ZNF566: variants seen among roughly 807,000 people sequenced by gnomAD.
The protein encoded by ZNF566 is zinc finger protein 566.
A neutral mutation model predicts 32.8 loss-of-function variants in ZNF566; 27 were observed. That is an observed-to-expected ratio of 0.82 (90% CI 0.61 to 1.14). ZNF566 has a LOEUF of 1.14. Among genes scored for constraint, ZNF566 ranks in the 50% most tolerant of loss-of-function variants. ZNF566 has a pLI of 0.00. For missense variants in ZNF566, 402 were observed against 490.4 expected, an observed-to-expected ratio of 0.82 and a Z score of 1.70; for synonymous variants, 154 against 159.5, an observed-to-expected ratio of 0.97 and a Z score of 0.26.
chr19:36,478,576 G>A (rs896071572), intron 1 of ZNF566, among the ~76,000 whole-genome samples: 1 of 150,908 alleles, frequency 6.6e-6, no homozygotes, highest in Admixed American at 6.6e-5. Context: ...CTTACATCAG[G>A]GGATCTGCTC....
chr19:36,472,621 G>C (rs923621387), intron 4 of ZNF566, among the ~76,000 whole-genome samples: 1 of 152,192 alleles, frequency 6.6e-6, no homozygotes, highest in African/African-American at 2.4e-5. Flanking sequence ...AAAGGAGGAT[G>C]AGAAGCTAGG....
At chr19:36,476,428 C>A in intron 2 of ZNF566, 121 bp downstream of exon 2, 1 of 863,914 alleles carries the variant, frequency 1.2e-6, no homozygotes, top group South Asian at 2.0e-5. Context: ...TGCTCATAAC[C>A]AAACTTTTTG....
intron 1 of ZNF566, among the ~76,000 whole-genome samples, chr19:36,477,818 G>A (rs1600172926): frequency 6.6e-6 from 1 of 151,940 alleles, no homozygotes. Flanking sequence ...CCAGCCTTGT[G>A]TGTATTCTTT....
At chr19:36,467,379 G>A (rs1288441097) in intron 4 of ZNF566, among the ~76,000 whole-genome samples, 1 of 147,898 alleles carries the variant, frequency 6.8e-6, no homozygotes. Flanking sequence ...AGGTTGAAGT[G>A]AGCGAAGATC....
At chr19:36,463,315 C>T (rs2033525449) in intron 4 of ZNF566, among the ~76,000 whole-genome samples, 1 of 152,006 alleles carries the variant, frequency 6.6e-6, no homozygotes, top group African/African-American at 2.4e-5. Flanking sequence ...ATAAACAACT[C>T]AACTGCATTT....
rs931783799 is a variant in ZNF566 at position 36,449,206 on chromosome 19, T to C, written c.1028A>G (p.Glu343Gly). 1 of 1,614,112 alleles carries C rather than the reference T, an allele frequency of 6.2e-7. No individual in the cohort carries two copies. The highest frequency in any genetic ancestry group is 1.3e-5 in the African/African-American group (1 of 75,042). ...GCCAGAACGAAAAGCCTTTTCACAT[T>C]CCTTACATTCGTAAGGTTTCTCACC... ...HTGEKPYECK[E>G]CEKAFRSGSD... Residue 343 changes from glutamate to glycine, a missense_variant, in exon 5 of 5, where the codon GAA becomes GGA. Physicochemically the swap from Glu to Gly is moderately conservative, Grantham distance 98. Transcript: ENST00000452939.
chr19:36,449,668 T>C lies in ZNF566; in HGVS notation c.566A>G (p.His189Arg). The change falls in exon 5 of 5, where the codon CAT (histidine) becomes CGT (arginine). Residue 189 changes from histidine (H) to arginine (R), a missense_variant. This residue lies in a region of ZNF566 where 220 missense variants were observed against 241.9 expected (regional missense o/e 0.91). Transcript: ENST00000452939. Reference protein sequence around the residue: ...TFRHGSQFATHEIIHTIEKPY... With the variant: ...TFRHGSQFATREIIHTIEKPY... ...CTTCTCAATGGTATGAATTATCTCA[T>C]GTGTAGCAAACTGTGAGCCATGTCT... is the stretch of plus-strand genomic sequence containing the variant. 2 of 1,614,116 alleles carry C rather than the reference T, an allele frequency of 1.2e-6. No homozygotes were observed. The highest frequency in any genetic ancestry group is 1.7e-6 in the Non-Finnish European group (2 of 1,180,006).
chr19:36,452,061 T>C (rs1018218332), intron 4 of ZNF566, among the ~76,000 whole-genome samples: 1 of 151,246 alleles, frequency 6.6e-6, no homozygotes, highest in African/African-American at 2.4e-5. Context: ...ATGGGGACAT[T>C]AGGCCCGACC....
chr19:36,473,154 A>G, intron 3 of ZNF566, 148 bp from the exon 4 acceptor site: 1 of 1,049,970 alleles, frequency 9.5e-7, no homozygotes, highest in South Asian at 1.6e-5. Flanking sequence ...GGAAGATGTA[A>G]AACATCCCCA....
At chr19:36,463,211 G>A (rs1324432161) in intron 4 of ZNF566, among the ~76,000 whole-genome samples, 1 of 151,978 alleles carries the variant, frequency 6.6e-6, no homozygotes, top group Non-Finnish European at 1.5e-5. Flanking sequence ...GCTGAGGTAG[G>A]AGGATTGCTT....
intron 4 of ZNF566, among the ~76,000 whole-genome samples, chr19:36,466,345 T>C (rs1302998556): frequency 9.5e-6 from 1 of 104,776 alleles, no homozygotes; most frequent in Non-Finnish European, 2.1e-5. Context: ...TTCAGGACCA[T>C]GGCAGACACA....
chr19:36,450,826 G>A (rs2033138463), intron 4 of ZNF566, among the ~76,000 whole-genome samples: 1 of 152,112 alleles, frequency 6.6e-6, no homozygotes, highest in Admixed American at 6.6e-5. Flanking sequence ...TATTGTCTAT[G>A]GATGCTTTTG....
chr19:36,489,451 C>T, intron 1 of ZNF566, 35 bp downstream of exon 1: 1 of 305,290 alleles, frequency 3.3e-6, no homozygotes, highest in South Asian at 2.8e-5. Flanking sequence ...GCCCCCGGCC[C>T]CGCCCTCTCC....
At chr19:36,451,766 G>A (rs1446883652) in intron 4 of ZNF566, among the ~76,000 whole-genome samples, 1 of 152,170 alleles carries the variant, frequency 6.6e-6, no homozygotes, top group Non-Finnish European at 1.5e-5. Flanking sequence ...CCAGCACTCT[G>A]CGGGGCCGAG....
At position 36,473,239 on chromosome 19, in the gene ZNF566, G is replaced by A. The variant is rs117525688; in HGVS notation, c.136+93C>T. On this transcript the variant is annotated intron_variant, in intron 3 of 4. Coordinates refer to ENST00000452939, the MANE Select transcript of ZNF566 (RefSeq NM_001145344.1). Reference sequence around the variant, plus strand: ...CCTGTGGAACAGGATATCAAAATTCGACTGGTTTTTGAAAGCCAGGTGAGC... The same window carrying A: ...CCTGTGGAACAGGATATCAAAATTCAACTGGTTTTTGAAAGCCAGGTGAGC... 1,142 of 1,461,546 alleles carry A rather than the reference G, an allele frequency of 7.8e-4. 25 individuals are homozygous for A. The East Asian group carries it at 0.021, about 27-fold the overall frequency. 90.5% of individuals were successfully genotyped at this position (1,461,546 alleles called of 1,614,324 possible). A position where few individuals can be genotyped will look rare whatever the true frequency, so the allele number is the denominator to read the frequency against.
At chr19:36,486,979 A>G (rs965698612) in intron 1 of ZNF566, among the ~76,000 whole-genome samples, 3 of 150,296 alleles carry the variant, frequency 2.0e-5, no homozygotes, top group Non-Finnish European at 4.4e-5. Context: ...AATCCCAGCT[A>G]CTCGGGAGGC....
chr19:36,467,582 G>A, intron 4 of ZNF566, among the ~76,000 whole-genome samples: 1 of 150,528 alleles, frequency 6.6e-6, no homozygotes, highest in Non-Finnish European at 1.5e-5. Flanking sequence ...TTTGAGGTCA[G>A]CAGTTGAAGA....
At chr19:36,461,894 T>C (rs1007390722) in intron 4 of ZNF566, among the ~76,000 whole-genome samples, 9 of 152,124 alleles carry the variant, frequency 5.9e-5, no homozygotes, top group Non-Finnish European at 1.2e-4. Flanking sequence ...ACTTTAGTTC[T>C]TAAAGTCTTT....
chr19:36,471,796 G>C (rs552732163), intron 4 of ZNF566, among the ~76,000 whole-genome samples: 3 of 151,978 alleles, frequency 2.0e-5, no homozygotes, highest in African/African-American at 7.3e-5. Flanking sequence ...AGGCTGGAGT[G>C]CAGTGGCGTA....
Sources: gnomAD v4.1 joint callset for allele counts (sites outside exome capture counted in the v4.1 genomes callset) on GRCh38, gnomAD v4.1.1 for gene constraint, gnomAD v4.1.1 regional missense constraint, MANE v1.5 for transcripts, NCBI Gene and HGNC (gene_info 2026-07-23, HGNC 2026-07-21) for gene names.